Variants in SFXN5 observed in about 807,000 individuals in gnomAD.
SFXN5 encodes sideroflexin 5, also known as sideroflexin-5.
In SFXN5, 43 loss-of-function variants were observed where a neutral mutation model predicts 50.2. The ratio of observed to expected loss-of-function variants is 0.86; its 90% CI spans 0.67 to 1.11. The LOEUF (loss-of-function observed/expected upper bound fraction) is 1.11. Ranked by LOEUF, SFXN5 falls within the 50% of genes least tolerant of loss-of-function variation. SFXN5 has a pLI of 0.00. For missense variants in SFXN5, 463 were observed against 454.1 expected (o/e 1.02, Z -0.18); for synonymous variants, 203 against 185.8 (o/e 1.09, Z -0.75).
At chr2:73,051,906 A>G (rs539640713) in intron 2 of SFXN5, among the ~76,000 whole-genome samples, 3 of 152,100 alleles carry the variant, frequency 2.0e-5, no homozygotes, top group Non-Finnish European at 4.4e-5. Flanking sequence ...TAAAGGTTTT[A>G]ATCCCAGTCA....
intron 13 of SFXN5, among the ~76,000 whole-genome samples, chr2:72,959,613 C>T (rs1459379135): frequency 1.3e-5 from 2 of 152,106 alleles, no homozygotes; most frequent in Non-Finnish European, 2.9e-5. Context: ...CTACCCCCAG[C>T]AGCATTTTCC....
chr2:73,071,470 T>C lies in SFXN5; in HGVS notation c.102+134A>G, dbSNP rs1683612242. 6.7e-6 allele frequency: 5 copies of C among 742,100 alleles called. No homozygotes were observed. In the East Asian group the frequency reaches 1.1e-4, roughly 16 times the overall value. The allele number at this position is 742,100 out of a possible 1,614,324, so 46.0% of individuals were successfully genotyped here. A position where few individuals can be genotyped will look rare whatever the true frequency, so the allele number is the denominator to read the frequency against. ...GGAAAAGGGTGACTGTGACCGAGGT[T>C]CCCCCCCTGGCGCTAGCTGCAGGCT... On this transcript the variant is annotated intron_variant, in intron 1 of 13. Transcript: ENST00000272433.
At position 73,051,257 on chromosome 2, in the gene SFXN5, C is replaced by CTTTTTTT. The variant is rs35074891; in HGVS notation, c.171+7264_171+7270dup. On this transcript the variant is annotated intron_variant, in intron 2 of 13. Transcript: ENST00000272433. ...CATGGCAATGAGACTTTTTCCAGCA[C>CTTTTTTT]TTTTTTTTTTTTTTTTTTTGAGACG... is the stretch of plus-strand genomic sequence containing the variant. Among the ~76,000 whole-genome samples, 371 of 114,756 alleles carry CTTTTTTT rather than the reference C, an allele frequency of 3.2e-3. 7 individuals are homozygous for CTTTTTTT. The highest frequency in any genetic ancestry group is 8.8e-3 in the East Asian group (32 of 3,628). The allele number at this position is 114,756 out of a possible 152,430, so 75.3% of individuals were successfully genotyped here.
intron 3 of SFXN5, among the ~76,000 whole-genome samples, chr2:73,024,258 G>A (rs541502240): frequency 1.3e-5 from 2 of 152,176 alleles, no homozygotes; most frequent in African/African-American, 2.4e-5. Context: ...TCCTGACCTC[G>A]TGATCTGCCC....
At position 72,949,323 on chromosome 2, in the gene SFXN5, C is replaced by T. The variant is rs562005802; in HGVS notation, c.946-4224G>A. On this transcript the variant is annotated intron_variant, in intron 13 of 13. Coordinates refer to ENST00000272433, the MANE Select transcript of SFXN5 (RefSeq NM_144579.3). ...GCAGGAGTGGACCATAACCCAGCCT[C>T]TGTTTTTATTTTTTTCTTGGGATAG... Among the ~76,000 whole-genome samples, 313 of 152,164 alleles carry T rather than the reference C, an allele frequency of 2.1e-3. 1 individual carries two copies. The highest frequency in any genetic ancestry group is 7.2e-3 in the African/African-American group (300 of 41,502).
rs1682606944 is a variant in SFXN5 at position 73,059,844 on chromosome 2, G to A, written c.103-1248C>T. The A allele has an allele frequency of 5.2e-6, 5 of 964,326 alleles. 1 individual carries two copies. Among genetic ancestry groups the A allele is most frequent in the South Asian group, 9.8e-5 (2 of 20,368 alleles). 59.7% of individuals were successfully genotyped at this position (964,326 alleles called of 1,614,324 possible). Reference sequence around the variant, plus strand: ...TTCACCTCTGAGAATGTAGTCTAAGGAAACAATCCAAGATGTTCAAAGATC... The same window carrying A: ...TTCACCTCTGAGAATGTAGTCTAAGAAAACAATCCAAGATGTTCAAAGATC... On this transcript the variant is annotated intron_variant, in intron 1 of 13. Coordinates refer to ENST00000272433, the MANE Select transcript of SFXN5 (RefSeq NM_144579.3).
chr2:72,963,857 G>A (rs1674053856), intron 12 of SFXN5, among the ~76,000 whole-genome samples: 1 of 152,136 alleles, frequency 6.6e-6, no homozygotes, highest in East Asian at 1.9e-4. Context: ...GGTTGGTGCT[G>A]CAGGGAGGGT....
intron 1 of SFXN5, 61 bp from the exon 2 acceptor site, chr2:73,058,657 C>G: frequency 1.8e-5 from 27 of 1,472,958 alleles, no homozygotes; most frequent in Non-Finnish European, 2.4e-5. Flanking sequence ...CTTCTCCAGA[C>G]ACTGGAGAGC....
chr2:72,955,931 G>C (rs1002504880), intron 13 of SFXN5, among the ~76,000 whole-genome samples: 5 of 152,272 alleles, frequency 3.3e-5, no homozygotes, highest in Non-Finnish European at 5.9e-5. Context: ...GCAAGCTGCC[G>C]CGCAGCCTCT....
chr2:73,020,114 A>G, intron 6 of SFXN5, 125 bp downstream of exon 6: 1 of 843,326 alleles, frequency 1.2e-6, no homozygotes, highest in Non-Finnish European at 1.9e-6. Context: ...TTATTTGGTA[A>G]TTTCCCTCCA....
intron 1 of SFXN5, among the ~76,000 whole-genome samples, chr2:73,060,630 A>G (rs966433458): frequency 6.6e-6 from 1 of 152,176 alleles, no homozygotes; most frequent in African/African-American, 2.4e-5. Context: ...TAGGTTAATA[A>G]AAGTGTTGTA....
intron 4 of SFXN5, 127 bp from the exon 5 acceptor site, chr2:73,022,703 C>T: frequency 1.5e-6 from 1 of 689,144 alleles, no homozygotes; most frequent in Non-Finnish European, 2.6e-6. Flanking sequence ...GACAACTTCT[C>T]TGGGAAGATT....
intron 9 of SFXN5, chr2:72,996,962 T>C (rs1398510678): frequency 6.6e-6 from 1 of 152,238 alleles, no homozygotes; most frequent in African/African-American, 2.4e-5. Context: ...ACAAGAGTTC[T>C]TTCTCCCACT....
At chr2:73,069,394 G>A (rs1289763592) in intron 1 of SFXN5, among the ~76,000 whole-genome samples, 1 of 152,188 alleles carries the variant, frequency 6.6e-6, no homozygotes, top group East Asian at 1.9e-4. Flanking sequence ...CATTTAAAGG[G>A]TGAGGGAGAA....
chr2:72,997,966 A>C (rs377140155), intron 9 of SFXN5: 3 of 152,118 alleles, frequency 2.0e-5, no homozygotes, highest in East Asian at 3.9e-4. Flanking sequence ...CTGCAATCAT[A>C]GCACACTACA....
chr2:72,962,572 T>C (rs1673868374), intron 12 of SFXN5, among the ~76,000 whole-genome samples: 2 of 152,106 alleles, frequency 1.3e-5, no homozygotes, highest in African/African-American at 4.8e-5. Context: ...CCTCCATGAG[T>C]CTAAAATGGT....
intron 3 of SFXN5, among the ~76,000 whole-genome samples, chr2:73,038,562 G>A (rs1003049436): frequency 6.6e-6 from 1 of 152,212 alleles, no homozygotes; most frequent in African/African-American, 2.4e-5. Flanking sequence ...CTGAGAGTTT[G>A]AGGTTATAGT....
At position 72,942,586 on chromosome 2, in the gene SFXN5, G is replaced by A. The variant is rs1671543176; in HGVS notation, c.*2436C>T. On this transcript the variant is annotated 3_prime_UTR_variant, in exon 14 of 14. Coordinates refer to ENST00000272433, the MANE Select transcript of SFXN5 (RefSeq NM_144579.3). Reference sequence around the variant, plus strand: ...CCCTTCCTCTGGCCTCAGCAGAGTGGGGCATGGGTGCTGGGTGAAGGTTTC... The same window carrying A: ...CCCTTCCTCTGGCCTCAGCAGAGTGAGGCATGGGTGCTGGGTGAAGGTTTC... 1 of 152,338 alleles carries A rather than the reference G, an allele frequency of 6.6e-6. No homozygotes were observed. Among genetic ancestry groups the A allele is most frequent in the African/African-American group, 2.4e-5 (1 of 41,448 alleles). 9.4% of individuals were successfully genotyped at this position (152,338 alleles called of 1,614,324 possible). A position where few individuals can be genotyped will look rare whatever the true frequency, so the allele number is the denominator to read the frequency against.
intron 3 of SFXN5, among the ~76,000 whole-genome samples, chr2:73,029,238 G>A (rs949482719): frequency 2.6e-5 from 4 of 152,180 alleles, no homozygotes; most frequent in Admixed American, 6.5e-5. Context: ...GAGTTGCAAC[G>A]GAGTCAGATA....
Sources: allele counts gnomAD v4.1 joint callset (sites outside exome capture counted in the v4.1 genomes callset), GRCh38; gene constraint gnomAD v4.1.1; transcripts MANE v1.5; gene names NCBI Gene and HGNC (gene_info 2026-07-23, HGNC 2026-07-21).